Variants in DSCAM observed in about 807,000 individuals in gnomAD.
DSCAM encodes DS cell adhesion molecule, also known as cell adhesion molecule DSCAM.
DSCAM carries 47 observed loss-of-function variants against 217.7 expected under a neutral mutation model. The observed-to-expected ratio is 0.22, with a 90% CI of 0.17 to 0.28. The LOEUF (loss-of-function observed/expected upper bound fraction) is 0.28. DSCAM is among the 10% of genes least tolerant of loss of function. DSCAM has a pLI of 1.00. For missense variants in DSCAM, 2,080 were observed against 2,618.3 expected (o/e 0.79, Z 4.49); for synonymous variants, 1,056 against 1,015.3 (o/e 1.04, Z -0.76).
At chr21:40,151,271 C>G (rs911428458) in intron 16 of DSCAM, among the ~76,000 whole-genome samples, 1 of 152,264 alleles carries the variant, frequency 6.6e-6, no homozygotes, top group Non-Finnish European at 1.5e-5. Flanking sequence ...CCCCACTACT[C>G]CTTCTCTGCA....
intron 11 of DSCAM, among the ~76,000 whole-genome samples, chr21:40,235,437 A>G (rs1030580397): frequency 6.6e-6 from 1 of 152,220 alleles, no homozygotes; most frequent in African/African-American, 2.4e-5. Context: ...ATAAAGGCCG[A>G]TAATTAAGAC....
intron 8 of DSCAM, among the ~76,000 whole-genome samples, chr21:40,320,065 T>C (rs2074243451): frequency 6.6e-6 from 1 of 152,106 alleles, no homozygotes; most frequent in Non-Finnish European, 1.5e-5. Flanking sequence ...AGGGAAAGCA[T>C]CAGGAAAAAT....
At chr21:40,315,206 C>T (rs2074182355) in intron 8 of DSCAM, among the ~76,000 whole-genome samples, 1 of 151,928 alleles carries the variant, frequency 6.6e-6, no homozygotes. Flanking sequence ...CGTGAGCAGC[C>T]TGGCCAACAT....
chr21:40,196,333 A>C (rs2146845839), intron 11 of DSCAM, among the ~76,000 whole-genome samples: 2 of 152,232 alleles, frequency 1.3e-5, no homozygotes, highest in Middle Eastern at 3.4e-3. Flanking sequence ...CCTGAGTCAT[A>C]GAGGAGCTGA....
At chr21:40,680,392 T>A (rs1043421680) in intron 3 of DSCAM, among the ~76,000 whole-genome samples, 1 of 152,078 alleles carries the variant, frequency 6.6e-6, no homozygotes, top group African/African-American at 2.4e-5. Context: ...AGTACCCAGG[T>A]CCACAGAGAG....
At chr21:40,433,636 G>A (rs2075556662) in intron 3 of DSCAM, among the ~76,000 whole-genome samples, 1 of 152,184 alleles carries the variant, frequency 6.6e-6, no homozygotes, top group Non-Finnish European at 1.5e-5. Context: ...TAGGGAAATG[G>A]CTAGCAAGAG....
chr21:40,361,215 T>A (rs2074760927), intron 4 of DSCAM, among the ~76,000 whole-genome samples: 3 of 152,100 alleles, frequency 2.0e-5, no homozygotes, highest in African/African-American at 7.2e-5. Context: ...ATATGACGCA[T>A]CCCATATATT....
At chr21:40,370,859 T>G (rs1233518111) in intron 3 of DSCAM, among the ~76,000 whole-genome samples, 1 of 152,108 alleles carries the variant, frequency 6.6e-6, no homozygotes, top group African/African-American at 2.4e-5. Flanking sequence ...TGAGCTCAAG[T>G]GATCCACCCG....
chr21:40,459,002 T>C lies in DSCAM; in HGVS notation c.509-89757A>G, dbSNP rs189740115. Among the ~76,000 whole-genome samples, 357 of 152,134 alleles carry C rather than the reference T, an allele frequency of 2.3e-3. 1 individual carries two copies. The highest frequency in any genetic ancestry group is 4.2e-3 in the Non-Finnish European group (288 of 67,968). On this transcript the variant is annotated intron_variant, in intron 3 of 32. Transcript: ENST00000400454. ...TGCTCAGGAGACATTTTAAGTCTTGTACACATACGTATATAAATAACAAGA... is the reference window on the plus strand; with the variant it reads ...TGCTCAGGAGACATTTTAAGTCTTGCACACATACGTATATAAATAACAAGA...
At chr21:40,709,023 G>GT (rs2090748597) in intron 1 of DSCAM, among the ~76,000 whole-genome samples, 1 of 152,052 alleles carries the variant, frequency 6.6e-6, no homozygotes, top group East Asian at 1.9e-4. Flanking sequence ...TTAATAGATT[G>GT]TTTTTTTGCC....
intron 3 of DSCAM, among the ~76,000 whole-genome samples, chr21:40,487,293 G>A (rs960193027): frequency 2.4e-5 from 3 of 123,220 alleles, no homozygotes; most frequent in Admixed American, 8.3e-5. Flanking sequence ...GCATGTGTGC[G>A]TGTGTGCGTG....
chr21:40,668,447 C>G (rs1568973559), intron 3 of DSCAM, among the ~76,000 whole-genome samples: 2 of 152,184 alleles, frequency 1.3e-5, no homozygotes, highest in South Asian at 4.1e-4. Context: ...TAAAGCAAAT[C>G]TCTAAGGGCA....
chr21:40,223,100 TG>T (rs2091302492), intron 11 of DSCAM, among the ~76,000 whole-genome samples: 1 of 152,190 alleles, frequency 6.6e-6, no homozygotes, highest in Admixed American at 6.5e-5. Context: ...TTTCCCCTCC[TG>T]ACACCAGGAG....
chr21:40,057,523 C>CTCTT (rs2089044800), intron 28 of DSCAM, among the ~76,000 whole-genome samples: 1 of 152,168 alleles, frequency 6.6e-6, no homozygotes, highest in Non-Finnish European at 1.5e-5. Context: ...GTTCCTTCTG[C>CTCTT]TCTTCATGAA....
chr21:40,156,108 G>C (rs1188416033), intron 16 of DSCAM, among the ~76,000 whole-genome samples: 1 of 151,226 alleles, frequency 6.6e-6, no homozygotes, highest in African/African-American at 2.4e-5. Flanking sequence ...GAATAACTAA[G>C]AGAACCCTTA....
intron 3 of DSCAM, among the ~76,000 whole-genome samples, chr21:40,479,489 C>T (rs1364081461): frequency 5.3e-5 from 8 of 152,192 alleles, no homozygotes; most frequent in African/African-American, 1.7e-4. Flanking sequence ...TTTTAATTGA[C>T]TCAGTTCCAC....
chr21:40,451,053 T>C (rs550097806), intron 3 of DSCAM, among the ~76,000 whole-genome samples: 1 of 152,174 alleles, frequency 6.6e-6, no homozygotes, highest in Non-Finnish European at 1.5e-5. Flanking sequence ...CAAATAAGCA[T>C]GCACGTCAGT....
intron 27 of DSCAM, 84 bp downstream of exon 27, chr21:40,074,953 G>C: frequency 7.0e-7 from 1 of 1,434,830 alleles, no homozygotes. Flanking sequence ...TCCCTTTTGA[G>C]GTTTGTTCTC....
intron 16 of DSCAM, among the ~76,000 whole-genome samples, chr21:40,155,450 G>A (rs541734018): frequency 6.6e-6 from 1 of 152,322 alleles, no homozygotes; most frequent in South Asian, 2.1e-4. Flanking sequence ...CCAACCCAGA[G>A]TAGCCCCTCT....
Sources: gnomAD v4.1 joint callset for allele counts (sites outside exome capture counted in the v4.1 genomes callset) on GRCh38, gnomAD v4.1.1 for gene constraint, MANE v1.5 for transcripts, NCBI Gene and HGNC (gene_info 2026-07-23, HGNC 2026-07-21) for gene names.